Variants in TMPRSS2 observed in about 807,000 individuals in gnomAD.
TMPRSS2 encodes transmembrane protease serine 2.
A neutral mutation model predicts 67.4 loss-of-function variants in TMPRSS2; 59 were observed. That is an observed-to-expected ratio of 0.88 (90% confidence interval 0.71 to 1.09). TMPRSS2 has a LOEUF of 1.09. TMPRSS2 is among the 50% of genes least tolerant of loss of function. TMPRSS2 has a pLI of 0.00. For missense variants in TMPRSS2, 668 were observed against 642.7 expected, an observed-to-expected ratio of 1.04 and a Z score of -0.43; for synonymous variants, 257 against 257.0, an observed-to-expected ratio of 1.00 and a Z score of 0.00.
intron 1 of TMPRSS2, 199 bp downstream of exon 1, chr21:41,507,882 A>G (rs1390573135): frequency 2.0e-6 from 3 of 1,464,882 alleles, no homozygotes; most frequent in Non-Finnish European, 2.7e-6. Flanking sequence ...GGCGCCCAGC[A>G]CTCTCCCAGC....
intron 1 of TMPRSS2, among the ~76,000 whole-genome samples, chr21:41,502,000 A>G (rs978360655): frequency 2.0e-4 from 30 of 152,322 alleles, no homozygotes; most frequent in African/African-American, 6.5e-4. Context: ...CTCAGGCTCC[A>G]TTCCTGGCTG....
At chr21:41,467,694 G>A (rs1217151922) in intron 13 of TMPRSS2, 40 bp downstream of exon 13, 1 of 1,606,864 alleles carries the variant, frequency 6.2e-7, no homozygotes, top group African/African-American at 1.3e-5. Flanking sequence ...TTGGCTCGAG[G>A]AATCGGAGAA....
intron 9 of TMPRSS2, among the ~76,000 whole-genome samples, chr21:41,472,540 G>A (rs772106542): frequency 6.6e-6 from 1 of 151,338 alleles, no homozygotes; most frequent in African/African-American, 2.4e-5. Flanking sequence ...CAGAGCACCT[G>A]GGGGTGTGAA....
chr21:41,500,839 C>T (rs192959767), intron 1 of TMPRSS2, among the ~76,000 whole-genome samples: 8 of 152,308 alleles, frequency 5.3e-5, no homozygotes. Flanking sequence ...AGAGAGGATC[C>T]TCAGGCTTGA....
At position 41,488,489 on chromosome 21, in the gene TMPRSS2, C is replaced by A. The variant is rs2091313699; in HGVS notation, c.350G>T (p.Gly117Val). 2 of 1,613,406 alleles carry A rather than the reference C, an allele frequency of 1.2e-6. No individual in the cohort carries two copies. Among genetic ancestry groups the A allele is most frequent in the Admixed American group, 3.3e-5 (2 of 59,974 alleles). Residue 117 changes from glycine to valine, a missense_variant, in exon 5 of 14, where the codon GGG becomes GTG. By Grantham distance (109) the Gly-to-Val change is moderately radical. Coordinates refer to ENST00000332149, the MANE Select transcript of TMPRSS2 (RefSeq NM_005656.4). ...KFMGSKCSNS[G>V]IECDSSGTCI... ...GGTACCTGAGGAGTCGCACTCTATC[C>A]CAGAGTTGGAGCACTTGCTGCCCAC...
intron 3 of TMPRSS2, among the ~76,000 whole-genome samples, chr21:41,490,784 C>G (rs2091329495): frequency 6.6e-6 from 1 of 152,228 alleles, no homozygotes; most frequent in Admixed American, 6.5e-5. Flanking sequence ...CCCCATCACC[C>G]CAGTGATGCC....
intron 5 of TMPRSS2, among the ~76,000 whole-genome samples, chr21:41,482,884 G>A (rs775921132): frequency 6.6e-6 from 1 of 152,196 alleles, no homozygotes; most frequent in Non-Finnish European, 1.5e-5. Flanking sequence ...TGATTCCAAC[G>A]CTACAACATC....
At chr21:41,480,355 G>A in intron 6 of TMPRSS2, 121 bp downstream of exon 6, 1 of 1,477,902 alleles carries the variant, frequency 6.8e-7, no homozygotes, top group Non-Finnish European at 9.1e-7. Flanking sequence ...CTCAGCTTTT[G>A]GAAGGTGACA....
Position 41,502,963 on chromosome 21 carries a change from C to T in TMPRSS2, c.-56-4774G>A, listed in dbSNP as rs1315539692. 3.3e-5 allele frequency among the ~76,000 whole-genome samples: 5 copies of T among 152,132 alleles called. No individual in the cohort carries two copies. In the East Asian group the frequency reaches 9.7e-4, roughly 29 times the overall value. On this transcript the variant is annotated intron_variant, in intron 1 of 13. Coordinates refer to ENST00000332149, the MANE Select transcript of TMPRSS2 (RefSeq NM_005656.4). ...AGTATTTAAATGTTTTTATGGAGTT[C>T]TTACCACCTGTACCCCAAAAACTAT...
rs1409171326 is a variant in TMPRSS2, at chr21:41,478,685, G to A, written c.683+487C>T. Among the ~76,000 whole-genome samples, 1 of 152,134 alleles carries A rather than the reference G, an allele frequency of 6.6e-6. No homozygotes were observed. The highest frequency in any genetic ancestry group is 1.5e-5 in the Non-Finnish European group (1 of 68,022). ...TCACAGAGCACCCTCTGGCACTGCT[G>A]TCCCGGGGTTGGGGCTAACGGGACC... On this transcript the variant is annotated intron_variant, in intron 7 of 13. Coordinates refer to ENST00000332149, the MANE Select transcript of TMPRSS2 (RefSeq NM_005656.4). This position sits in a 1 kb window ranked among gnomAD's most constrained non-coding sequence, Gnocchi z 4.0.
At chr21:41,487,717 G>A (rs2091308605) in intron 5 of TMPRSS2, 2 of 152,118 alleles carry the variant, frequency 1.3e-5, no homozygotes. Context: ...TGAAACAGAT[G>A]AGCCCACCCT....
chr21:41,498,248 A>C, intron 1 of TMPRSS2, 59 bp from the exon 2 acceptor site: 1 of 1,190,124 alleles, frequency 8.4e-7, no homozygotes, highest in Non-Finnish European at 1.2e-6. Flanking sequence ...TTAGAAGATA[A>C]ATCTGGAAAG....
chr21:41,470,893 C>A (rs2091127836), intron 10 of TMPRSS2, 150 bp from the exon 11 acceptor site: 7 of 564,536 alleles, frequency 1.2e-5, no homozygotes, highest in Non-Finnish European at 2.2e-5. Context: ...CTCACTTTCT[C>A]CCCCTGCCAG....
chr21:41,477,505 C>T (rs1441951657), intron 7 of TMPRSS2, among the ~76,000 whole-genome samples: 1 of 152,192 alleles, frequency 6.6e-6, no homozygotes, highest in Non-Finnish European at 1.5e-5. Flanking sequence ...ATTACCCCTG[C>T]TTCCTGACAG....
chr21:41,470,524 G>GA (rs1187527545), intron 11 of TMPRSS2, 124 bp downstream of exon 11: 45 of 868,264 alleles, frequency 5.2e-5, no homozygotes, highest in Non-Finnish European at 7.8e-5. Context: ...AGGACTGGGG[G>GA]AATCAACCAA....
At position 41,479,403 on chromosome 21, in the gene TMPRSS2, G is replaced by GA. The variant is rs569742981; in HGVS notation, c.573-122dup. 4.6e-3 allele frequency: 3,332 copies of GA among 731,012 alleles called. 17 individuals carry two copies. Among genetic ancestry groups the GA allele is most frequent in the Non-Finnish European group, 5.1e-3 (2,335 of 459,380 alleles). 45.3% of individuals were successfully genotyped at this position (731,012 alleles called of 1,614,324 possible). ...AAGAGGGAAAAACCTTAGCATTTAG[G>GA]AAAAAAAATCACACGTTCTAACCAA... On this transcript the variant is annotated intron_variant, in intron 6 of 13. Transcript: ENST00000332149.
At chr21:41,480,858 G>A (rs1369730798) in intron 5 of TMPRSS2, among the ~76,000 whole-genome samples, 3 of 152,094 alleles carry the variant, frequency 2.0e-5, no homozygotes, top group African/African-American at 4.8e-5. Context: ...GGCTGGTCTT[G>A]AACTCCTGAC....
At chr21:41,481,733 G>A (rs2091258943) in intron 5 of TMPRSS2, among the ~76,000 whole-genome samples, 1 of 151,762 alleles carries the variant, frequency 6.6e-6, no homozygotes, top group South Asian at 2.1e-4. Flanking sequence ...GAATTTTATG[G>A]TACATAAATT....
chr21:41,467,836 C>G lies in TMPRSS2; in HGVS notation c.1365G>C (p.Leu455=). ...CAGAACCCCAGCTTGTATCCCCTAT[C>G]AGCCACCAGATATTGTTCTTCGAAG... The part of the protein sequence containing the change: ...LVTSKNNIWW[L]IGDTSWGSGC... Residue 455 remains leucine (L), a synonymous_variant, in exon 13 of 14, where the codon CTG becomes CTC. Transcript: ENST00000332149. 1 of 1,614,260 alleles carries G rather than the reference C, an allele frequency of 6.2e-7. No homozygotes were observed.
Sources: gnomAD v4.1 joint callset for allele counts (sites outside exome capture counted in the v4.1 genomes callset) on GRCh38, gnomAD v4.1.1 for gene constraint, Gnocchi (gnomAD v3.1) non-coding constraint, MANE v1.5 for transcripts, NCBI Gene and HGNC (gene_info 2026-07-23, HGNC 2026-07-21) for gene names.